TMEM71: variants seen among roughly 807,000 people sequenced by gnomAD.
TMEM71 encodes the protein transmembrane protein 71.
TMEM71 carries 44 observed loss-of-function variants against 38.0 expected under a neutral mutation model. That is an observed-to-expected ratio of 1.16 (90% CI 0.91 to 1.49). The LOEUF is 1.49. TMEM71 is among the 40% of genes most tolerant of loss of function. The pLI, the probability that TMEM71 is intolerant of heterozygous loss-of-function variation, is 0.00. For synonymous variants in TMEM71, 133 were observed against 122.5 expected (o/e 1.09, Z -0.56); for missense variants, 367 against 348.6 (o/e 1.05, Z -0.42).
intron 3 of TMEM71, among the ~76,000 whole-genome samples, chr8:132,755,497 C>T (rs1481928282): frequency 6.6e-6 from 1 of 152,164 alleles, no homozygotes; most frequent in Non-Finnish European, 1.5e-5. Context: ...AGACAAAGCC[C>T]TTTCTTTTCT....
downstream of TMEM71, chr8:132,709,877 G>A (rs1271979170): frequency 6.6e-6 from 1 of 151,836 alleles, no homozygotes; most frequent in Non-Finnish European, 1.5e-5. Flanking sequence ...TTCAATGAAT[G>A]ATGTTCTGCC....
rs543017247 is a variant in TMEM71, at chr8:132,716,006, C to A, written c.753-1791G>T. On this transcript the variant is annotated intron_variant, in intron 7 of 9. Coordinates refer to ENST00000677595, the MANE Select transcript of TMEM71 (RefSeq NM_001382403.1). ...AAGACGCCAGCTGCAGCAGGGGAGGCCTGGCCAGGGTTGTGGGCTTCGCAG... is the reference window on the plus strand; with the variant it reads ...AAGACGCCAGCTGCAGCAGGGGAGGACTGGCCAGGGTTGTGGGCTTCGCAG... Among the ~76,000 whole-genome samples, 8 of 152,276 alleles carry A rather than the reference C, an allele frequency of 5.3e-5. No homozygotes were observed. The South Asian group carries it at 1.7e-3, about 32-fold the overall frequency.
rs749383675 is a variant in TMEM71, at chr8:132,714,103, T to C, written c.814+51A>G. The stretch of plus-strand genomic sequence containing the variant: ...TAAAATCATTTTAAAGTGACCAAAA[T>C]TGGAATGAAATACAGGCATCATTGC... On this transcript the variant is annotated intron_variant, in intron 8 of 9. Transcript: ENST00000677595. 5.0e-6 allele frequency: 8 copies of C among 1,612,208 alleles called. No homozygotes were observed. The Admixed American group carries it at 1.0e-4, about 20-fold the overall frequency.
At chr8:132,738,105 A>T (rs906955109) in intron 5 of TMEM71, among the ~76,000 whole-genome samples, 5 of 152,124 alleles carry the variant, frequency 3.3e-5, no homozygotes, top group African/African-American at 1.2e-4. Context: ...TAGAAGTGTG[A>T]CATTTTTCAT....
intron 5 of TMEM71, among the ~76,000 whole-genome samples, chr8:132,736,066 A>C (rs568399025): frequency 6.6e-5 from 10 of 152,190 alleles, no homozygotes; most frequent in African/African-American, 2.4e-4. Context: ...AATGTTAGAG[A>C]ATCTGACAGC....
At chr8:132,711,464 T>G (rs1826233014) in intron 9 of TMEM71, among the ~76,000 whole-genome samples, 1 of 152,168 alleles carries the variant, frequency 6.6e-6, no homozygotes, top group African/African-American at 2.4e-5. Context: ...CAGGTGGATT[T>G]TCCCCATATT....
chr8:132,760,920 C>T (rs1285097097), upstream of TMEM71, among the ~76,000 whole-genome samples: 2 of 152,180 alleles, frequency 1.3e-5, no homozygotes, highest in Non-Finnish European at 2.9e-5. Flanking sequence ...ATAAGTAGTG[C>T]AGAGTAGTGA....
chr8:132,752,287 T>G (rs540288700), intron 3 of TMEM71, among the ~76,000 whole-genome samples: 15 of 152,210 alleles, frequency 9.9e-5, no homozygotes, highest in African/African-American at 3.6e-4. Flanking sequence ...TGTTAGTCTA[T>G]TGTATTTTTT....
rs1270223578 is a variant in TMEM71 at position 132,749,992 on chromosome 8, G to A, written c.314+1793C>T. ...TAGCGCCACTGTACTCCAGCCTGGC[G>A]AAAGAGCGAGACTCCATCTCAAAAA... is the stretch of plus-strand genomic sequence containing the variant. On this transcript the variant is annotated intron_variant, in intron 4 of 9. Transcript: ENST00000677595. Among the ~76,000 whole-genome samples, 10 of 126,000 alleles carry A rather than the reference G, an allele frequency of 7.9e-5. No individual in the cohort carries two copies. In the East Asian group the frequency reaches 1.6e-3, roughly 20 times the overall value. The allele number at this position is 126,000 out of a possible 152,430, so 82.7% of individuals were successfully genotyped here. A position where few individuals can be genotyped will look rare whatever the true frequency, so the allele number is the denominator to read the frequency against.
intron 5 of TMEM71, among the ~76,000 whole-genome samples, chr8:132,743,702 A>G (rs1171997772): frequency 1.3e-5 from 2 of 152,176 alleles, no homozygotes; most frequent in East Asian, 1.9e-4. Flanking sequence ...TCCCAGATGT[A>G]TAACTTTAAC....
chr8:132,741,488 G>A (rs1386468228), intron 5 of TMEM71, among the ~76,000 whole-genome samples: 1 of 152,070 alleles, frequency 6.6e-6, no homozygotes, highest in African/African-American at 2.4e-5. Flanking sequence ...GTTATTTATT[G>A]GATACAAAGC....
chr8:132,725,212 T>C (rs1013521929), intron 6 of TMEM71, among the ~76,000 whole-genome samples: 2 of 152,072 alleles, frequency 1.3e-5, no homozygotes, highest in Non-Finnish European at 2.9e-5. Flanking sequence ...TAATTTTTTG[T>C]AGAAATGGGG....
chr8:132,760,671 G>T (rs539266534), upstream of TMEM71: 1 of 152,342 alleles, frequency 6.6e-6, no homozygotes, highest in South Asian at 2.1e-4. Flanking sequence ...AGCAGAATGA[G>T]GTCACACTTC....
At chr8:132,749,946 G>A (rs1403021722) in intron 4 of TMEM71, among the ~76,000 whole-genome samples, 2 of 150,232 alleles carry the variant, frequency 1.3e-5, no homozygotes, top group Non-Finnish European at 1.5e-5. Context: ...CCAGGGAGTC[G>A]GAGGTTGCAG....
chr8:132,774,052 G>A, the TMEM71 span, among the ~76,000 whole-genome samples: 1 of 152,252 alleles, frequency 6.6e-6, no homozygotes, highest in Non-Finnish European at 1.5e-5. Flanking sequence ...GCCAGAGACA[G>A]AAACTTTGGT....
chr8:132,731,291 A>T (rs1477555291), intron 5 of TMEM71, among the ~76,000 whole-genome samples: 1 of 152,184 alleles, frequency 6.6e-6, no homozygotes, highest in Non-Finnish European at 1.5e-5. Context: ...AATCAACTTC[A>T]TGGGGAGTAG....
At chr8:132,765,912 CT>C in the TMEM71 span, among the ~76,000 whole-genome samples, 2 of 152,036 alleles carry the variant, frequency 1.3e-5, no homozygotes, top group East Asian at 1.9e-4. Context: ...CCTCAGCCTC[CT>C]GAGTAGCTGG....
intron 6 of TMEM71, among the ~76,000 whole-genome samples, chr8:132,727,527 A>ATTACAGGCCTGACCTGCCGTGCCCGGTC (rs1827213918): frequency 6.6e-6 from 1 of 152,146 alleles, no homozygotes; most frequent in Admixed American, 6.5e-5. Context: ...AAGTGCTGGG[A>ATTACAGGCCTGACCTGCCGTGCCCGGTC]TTACAGGCCT....
At chr8:132,731,071 A>G (rs1242631500) in intron 5 of TMEM71, among the ~76,000 whole-genome samples, 1 of 152,220 alleles carries the variant, frequency 6.6e-6, no homozygotes, top group Non-Finnish European at 1.5e-5. Context: ...TAATACTAGT[A>G]ACAGGGCACT....
Sources: gnomAD v4.1 joint callset for allele counts (sites outside exome capture counted in the v4.1 genomes callset) on GRCh38, gnomAD v4.1.1 for gene constraint, MANE v1.5 for transcripts, NCBI Gene and HGNC (gene_info 2026-07-23, HGNC 2026-07-21) for gene names.